The following UBR4 variants were observed in gnomAD, a reference collection of about 807,000 sequenced individuals.
UBR4 encodes the protein ubiquitin protein ligase E3 component n-recognin 4.
Under a neutral mutation model 575.6 loss-of-function variants are expected in UBR4, and 124 were observed. That is an observed-to-expected ratio of 0.22 (90% CI 0.19 to 0.25). UBR4 has a LOEUF of 0.25. UBR4 is among the 10% of genes least tolerant of loss of function. UBR4 has a pLI of 1.00. For synonymous variants in UBR4, 2,455 were observed against 2,473.7 expected (o/e 0.99, Z 0.22); for missense variants, 4,818 against 6,478.8 (o/e 0.74, Z 8.80).
intron 1 of UBR4, among the ~76,000 whole-genome samples, chr1:19,205,412 C>T (rs1330330716): frequency 6.6e-6 from 1 of 152,158 alleles, no homozygotes; most frequent in African/African-American, 2.4e-5. Flanking sequence ...CCACAAGCTC[C>T]TTTCCCCTCA....
chr1:19,084,541 G>C lies in UBR4; in HGVS notation c.14971C>G (p.Pro4991Ala), dbSNP rs1019163337. Residue 4991 changes from proline to alanine, a missense_variant, in exon 102 of 106, where the codon CCG (proline) becomes GCG (alanine). Physicochemically the swap from Pro to Ala is conservative, Grantham distance 27 (BLOSUM62 -1). Transcript: ENST00000375254. ...TAAAGCACAGTGTGAATGATGTACG[G>C]GATCAGGTGGATGTTGCTCTCCCGG... is the stretch of plus-strand genomic sequence containing the variant. The part of the protein sequence containing the change: ...GGRESNIHLI[P>A]YIIHTVLYVL... 6.2e-7 allele frequency: 1 copy of C among 1,613,924 alleles called. No homozygotes were observed. The highest frequency in any genetic ancestry group is 1.3e-5 in the African/African-American group (1 of 74,934).
intron 70 of UBR4, 93 bp downstream of exon 70, chr1:19,119,464 C>T: frequency 6.6e-7 from 1 of 1,508,746 alleles, no homozygotes; most frequent in Non-Finnish European, 9.0e-7. Flanking sequence ...TATATGGACT[C>T]CCTATATCTG....
At chr1:19,115,782 G>A in intron 73 of UBR4, 145 bp from the exon 74 acceptor site, 1 of 1,324,232 alleles carries the variant, frequency 7.6e-7, no homozygotes, top group Non-Finnish European at 1.0e-6. Context: ...CATATAATAG[G>A]AAGCCAGTTT....
chr1:19,177,361 C>T, intron 19 of UBR4, 100 bp downstream of exon 19: 1 of 1,485,814 alleles, frequency 6.7e-7, no homozygotes, highest in South Asian at 1.3e-5. Context: ...AACCTAAAAC[C>T]TAAAGTGGGT....
rs780576567 is a variant in UBR4 at position 19,185,209 on chromosome 1, G to A, written c.1828C>T (p.Pro610Ser). The A allele has an allele frequency of 5.6e-6, 9 of 1,613,726 alleles. No homozygotes were observed. Among genetic ancestry groups the A allele is most frequent in the Non-Finnish European group, 7.6e-6 (9 of 1,179,910 alleles). The part of the protein sequence containing the change: ...SPSKEKAAPP[P>S]PPPPPPLESS... ...TCCAGTGGAGGAGGTGGGGGAGGAG[G>A]CGGAGGTGCTGCTTTCTCTTTACTG... Residue 610 changes from proline to serine, a missense_variant, in exon 15 of 106, where the codon CCT becomes TCT. By Grantham distance (74) the Pro-to-Ser change is moderately conservative. This residue lies in a region of UBR4 where 1,172 missense variants were observed against 1,259.7 expected (regional missense o/e 0.93). Coordinates refer to ENST00000375254, the MANE Select transcript of UBR4 (RefSeq NM_020765.3).
intron 48 of UBR4, chr1:19,151,072 C>T: frequency 2.0e-6 from 1 of 489,560 alleles, no homozygotes; most frequent in East Asian, 3.7e-5. Flanking sequence ...TATTGTATCC[C>T]CTACCCCTCA....
intron 102 of UBR4, among the ~76,000 whole-genome samples, chr1:19,084,244 C>T (rs1030874969): frequency 1.3e-5 from 2 of 152,228 alleles, no homozygotes; most frequent in Admixed American, 6.5e-5. Flanking sequence ...GTGAGCTGAA[C>T]GTCAGTCCAA....
chr1:19,205,116 C>T (rs920533756), intron 1 of UBR4, among the ~76,000 whole-genome samples: 18 of 152,190 alleles, frequency 1.2e-4, no homozygotes, highest in African/African-American at 4.3e-4. Flanking sequence ...GCAACAACAG[C>T]ACCGCTGAGC....
rs548239601 is a variant in UBR4, at chr1:19,113,689, C to T, written c.11457+10G>A. 1.9e-5 allele frequency: 31 copies of T among 1,613,858 alleles called. No individual in the cohort carries two copies. The highest frequency in any genetic ancestry group is 2.4e-5 in the Non-Finnish European group (28 of 1,179,984). On this transcript the variant is annotated intron_variant, in intron 77 of 105. Transcript: ENST00000375254. Reference sequence around the variant, plus strand: ...CAAAACACACCCAAAAGCTGCTCCCCGCTCTCTACCTGGATGATTTTGGAG... The same window carrying T: ...CAAAACACACCCAAAAGCTGCTCCCTGCTCTCTACCTGGATGATTTTGGAG...
At position 19,181,770 on chromosome 1, in the gene UBR4, A is replaced by G. The variant is rs116859614; in HGVS notation, c.2184+2041T>C. Among the ~76,000 whole-genome samples, 117 of 152,338 alleles carry G rather than the reference A, an allele frequency of 7.7e-4. 2 individuals are homozygous for G. The East Asian group carries it at 0.019, about 25-fold the overall frequency. On this transcript the variant is annotated intron_variant, in intron 17 of 105. Coordinates refer to ENST00000375254, the MANE Select transcript of UBR4 (RefSeq NM_020765.3). ...GTACTAGTACTAGGTACCAAGCACTATTTTTGTTTTACTTTTCTTATGTGG... is the reference window on the plus strand; with the variant it reads ...GTACTAGTACTAGGTACCAAGCACTGTTTTTGTTTTACTTTTCTTATGTGG...
chr1:19,167,970 T>C (rs2088805545), intron 28 of UBR4, 57 bp downstream of exon 28: 2 of 1,469,970 alleles, frequency 1.4e-6, no homozygotes, highest in East Asian at 4.8e-5. Flanking sequence ...ACTGTCCCTC[T>C]TTAACCACAA....
chr1:19,155,074 T>C lies in UBR4; in HGVS notation c.6302A>G (p.Asp2101Gly), dbSNP rs1456768470. 6.2e-7 allele frequency: 1 copy of C among 1,613,686 alleles called. No homozygotes were observed. ...ACCGCCCGCCACCTGGCTGTTACTG[T>C]CCTGCTGGCACAAAGACACATATTT... Reference protein sequence around the residue: ...VLEINHEDLKDSNSQVAGGGV... With the variant: ...VLEINHEDLKGSNSQVAGGGV... The change falls in exon 44 of 106, where the codon GAC becomes GGC. Residue 2101 changes from aspartate (D) to glycine (G), a missense_variant and splice_region_variant. Coordinates refer to ENST00000375254, the MANE Select transcript of UBR4 (RefSeq NM_020765.3).
chr1:19,118,177 CAA>C (rs2080762400), intron 71 of UBR4: 2 of 368,186 alleles, frequency 5.4e-6, no homozygotes, highest in African/African-American at 2.1e-5. Flanking sequence ...AAATTTGACT[CAA>C]GAGTCACAAT....
At chr1:19,206,789 C>T (rs772696019) in intron 1 of UBR4, among the ~76,000 whole-genome samples, 16 of 152,210 alleles carry the variant, frequency 1.1e-4, no homozygotes, top group Non-Finnish European at 2.1e-4. Context: ...AGTATGCTTT[C>T]CAACTCATCC....
chr1:19,125,409 G>A (rs1007503934), intron 64 of UBR4, among the ~76,000 whole-genome samples: 2 of 152,236 alleles, frequency 1.3e-5, no homozygotes, highest in African/African-American at 4.8e-5. Flanking sequence ...GGTGCTCCGG[G>A]AACCCAGGAC....
At chr1:19,173,695 C>A in intron 22 of UBR4, 74 bp from the exon 23 acceptor site, 1 of 1,410,626 alleles carries the variant, frequency 7.1e-7, no homozygotes, top group East Asian at 2.4e-5. Flanking sequence ...ACGAACTACT[C>A]CAAATACAAC....
chr1:19,137,160 C>T (rs1042099833), intron 60 of UBR4, among the ~76,000 whole-genome samples: 1 of 151,992 alleles, frequency 6.6e-6, no homozygotes. Context: ...ATTGGCCGGG[C>T]GTGGTACCGC....
chr1:19,093,521 G>T lies in UBR4; in HGVS notation c.13938-35C>A. The T allele has an allele frequency of 6.2e-7, 1 of 1,607,010 alleles. No individual in the cohort carries two copies. The highest frequency in any genetic ancestry group is 2.2e-5 in the East Asian group (1 of 44,774). On this transcript the variant is annotated intron_variant, in intron 95 of 105. Transcript: ENST00000375254. The surrounding 1 kb of genome is among the most constrained non-coding windows in gnomAD (Gnocchi z 4.8). ...AAGAGCAGAGTTTGAGGGTGTGAAA[G>T]GCGGGACAAAACCCAGTCATGTCAC...
Position 19,162,486 on chromosome 1 carries a change from A to G in UBR4, c.4890T>C (p.Ile1630=). The G allele has an allele frequency of 6.2e-7, 1 of 1,613,988 alleles. No homozygotes were observed. The highest frequency in any genetic ancestry group is 1.1e-5 in the South Asian group (1 of 91,064). ...CCTCCACCCAGTCTGAGTCTACTTC[A>G]ATGGCCCGCTCTTCCCCATCCACTG... ...HLSVDGEERA[I]EVDSDWVEEL... Residue 1630 remains isoleucine, a synonymous_variant, in exon 35 of 106, where the codon ATT becomes ATC. Transcript: ENST00000375254.
Sources: gnomAD v4.1 joint callset for allele counts (sites outside exome capture counted in the v4.1 genomes callset) on GRCh38, gnomAD v4.1.1 for gene constraint, gnomAD v4.1.1 regional missense constraint, Gnocchi (gnomAD v3.1) non-coding constraint, MANE v1.5 for transcripts, NCBI Gene and HGNC (gene_info 2026-07-23, HGNC 2026-07-21) for gene names.